SDK2: variants seen among roughly 807,000 people sequenced by gnomAD.
The protein encoded by SDK2 is protein sidekick-2.
SDK2 carries 105 observed loss-of-function variants against 253.9 expected under a neutral mutation model. That is an observed-to-expected ratio of 0.41 (90% CI 0.35 to 0.49). The LOEUF (loss-of-function observed/expected upper bound fraction) is 0.49. SDK2 is among the 20% of genes least tolerant of loss of function. SDK2 has a pLI of 0.06. For missense variants in SDK2, 2,608 were observed against 3,003.0 expected (o/e 0.87, Z 3.07); for synonymous variants, 1,249 against 1,234.9 (o/e 1.01, Z -0.24).
intron 2 of SDK2, among the ~76,000 whole-genome samples, chr17:73,473,492 G>A (rs535712722): frequency 6.6e-6 from 1 of 152,302 alleles, no homozygotes; most frequent in East Asian, 1.9e-4. Context: ...AGACCTGGTG[G>A]ACAAGTTCCT....
At chr17:73,640,300 T>C (rs1036546671) in intron 1 of SDK2, among the ~76,000 whole-genome samples, 2 of 150,776 alleles carry the variant, frequency 1.3e-5, no homozygotes, top group African/African-American at 4.9e-5. Context: ...CCGAGGCAGG[T>C]GTCAGGCTGC....
intron 1 of SDK2, among the ~76,000 whole-genome samples, chr17:73,553,334 C>T (rs1382842688): frequency 1.3e-5 from 2 of 152,200 alleles, no homozygotes; most frequent in Admixed American, 6.5e-5. Flanking sequence ...CCAGGACTTA[C>T]TGCCTATTTA....
intron 18 of SDK2, among the ~76,000 whole-genome samples, chr17:73,404,073 T>G (rs1283238375): frequency 6.6e-6 from 1 of 152,156 alleles, no homozygotes; most frequent in Non-Finnish European, 1.5e-5. Context: ...TCTTTACATG[T>G]GCCTTAAAAC....
chr17:73,387,913 G>A lies in SDK2; in HGVS notation c.4317C>T (p.Thr1439=). Reference sequence around the variant, plus strand: ...CCCACCTGCCGCTGGGCAGCTCGCGGGTCTGGATGGTGTAGTAGCGCACAG... The same window carrying A: ...CCCACCTGCCGCTGGGCAGCTCGCGAGTCTGGATGGTGTAGTAGCGCACAG... The part of the protein sequence containing the change: ...LSPVRYYTIQ[T]RELPSGRWAL... Residue 1439 remains threonine (T), a synonymous_variant, in exon 30 of 45, where the codon ACC becomes ACT. Transcript: ENST00000392650. 2 of 1,590,390 alleles carry A rather than the reference G, an allele frequency of 1.3e-6. No individual in the cohort carries two copies.
chr17:73,630,517 G>T (rs1039774684), intron 1 of SDK2, among the ~76,000 whole-genome samples: 1 of 151,536 alleles, frequency 6.6e-6, no homozygotes, highest in Non-Finnish European at 1.5e-5. Flanking sequence ...ACTATGAGGG[G>T]CCTAAGTGTC....
chr17:73,539,875 G>A (rs954073528), intron 1 of SDK2, among the ~76,000 whole-genome samples: 4 of 152,174 alleles, frequency 2.6e-5, no homozygotes, highest in East Asian at 1.9e-4. Context: ...GTGAGCTGGG[G>A]TACCCAGGAT....
chr17:73,518,945 T>C (rs1308674442), intron 1 of SDK2: 1 of 152,204 alleles, frequency 6.6e-6, no homozygotes, highest in Non-Finnish European at 1.5e-5. Context: ...GACTCAGCTC[T>C]GCCTCACCTC....
chr17:73,428,355 C>G (rs1315928137), intron 12 of SDK2, among the ~76,000 whole-genome samples: 1 of 152,126 alleles, frequency 6.6e-6, no homozygotes, highest in African/African-American at 2.4e-5. Flanking sequence ...TGAGGCACGG[C>G]GCCTGGCCAG....
At position 73,338,539 on chromosome 17, in the gene SDK2, A is replaced by C. The variant is rs1368893481; in HGVS notation, c.*48T>G. 1.8e-6 allele frequency: 2 copies of C among 1,124,490 alleles called. No individual in the cohort carries two copies. Among genetic ancestry groups the C allele is most frequent in the Admixed American group, 2.4e-5 (1 of 40,966 alleles). The allele number at this position is 1,124,490 out of a possible 1,614,324, so 69.7% of individuals were successfully genotyped here. A position where few individuals can be genotyped will look rare whatever the true frequency, so the allele number is the denominator to read the frequency against. ...TGGCAGGCAGTGAGAGGAGGGGTGA[A>C]GGAGGAGTTTGGTGCCATTTCTCTT... On this transcript the variant is annotated 3_prime_UTR_variant, in exon 45 of 45. Coordinates refer to ENST00000392650, the MANE Select transcript of SDK2 (RefSeq NM_001144952.2). The surrounding 1 kb of genome is among the most constrained non-coding windows in gnomAD (Gnocchi z 5.0).
intron 1 of SDK2, among the ~76,000 whole-genome samples, chr17:73,635,775 T>TACTG (rs1279055757): frequency 1.3e-5 from 2 of 151,724 alleles, no homozygotes; most frequent in African/African-American, 4.9e-5. Context: ...GTGGCTCAGT[T>TACTG]ACTGGCAAGC....
intron 18 of SDK2, among the ~76,000 whole-genome samples, chr17:73,414,042 C>A (rs1246991061): frequency 6.6e-6 from 1 of 151,242 alleles, no homozygotes; most frequent in Admixed American, 6.6e-5. Context: ...TTCTTTTTCT[C>A]TCTCTCTTCT....
chr17:73,364,886 GT>G (rs2062670754), intron 38 of SDK2, among the ~76,000 whole-genome samples: 1 of 152,162 alleles, frequency 6.6e-6, no homozygotes, highest in Admixed American at 6.5e-5. Context: ...GCCTCCCAAA[GT>G]GCTGTCATTA....
chr17:73,394,150 G>T, intron 26 of SDK2, 59 bp downstream of exon 26: 1 of 1,063,036 alleles, frequency 9.4e-7, no homozygotes, highest in Non-Finnish European at 1.3e-6. Context: ...AGGCCCCTTG[G>T]ATGGAGAGGC....
intron 1 of SDK2, among the ~76,000 whole-genome samples, chr17:73,515,441 G>A (rs759126018): frequency 7.9e-5 from 12 of 152,192 alleles, no homozygotes; most frequent in African/African-American, 2.7e-4. Flanking sequence ...GGATGAGGGC[G>A]AAACAGGCGG....
intron 1 of SDK2, among the ~76,000 whole-genome samples, chr17:73,565,212 G>A (rs750769841): frequency 6.6e-6 from 1 of 152,340 alleles, no homozygotes; most frequent in African/African-American, 2.4e-5. Flanking sequence ...GAGAGCCAGA[G>A]GGAGGAGACC....
At position 73,534,834 on chromosome 17, in the gene SDK2, G is replaced by A. The variant is rs942359752; in HGVS notation, c.65-27237C>T. ...TCAGTAGGCTGGGGGCAGCGGGCCGGGCTCCCTGGACTCCTTTGCATCTTC... is the reference window on the plus strand; with the variant it reads ...TCAGTAGGCTGGGGGCAGCGGGCCGAGCTCCCTGGACTCCTTTGCATCTTC... On this transcript the variant is annotated intron_variant, in intron 1 of 44. Transcript: ENST00000392650. The surrounding 1 kb of genome is among the most constrained non-coding windows in gnomAD (Gnocchi z 4.9). Among the ~76,000 whole-genome samples, 4 of 152,156 alleles carry A rather than the reference G, an allele frequency of 2.6e-5. No homozygotes were observed. The highest frequency in any genetic ancestry group is 9.7e-5 in the African/African-American group (4 of 41,428).
In SDK2 at chr17:73,338,881, G is replaced by A; in HGVS notation, c.6225C>T (p.Asn2075=). 2 of 1,614,034 alleles carry A rather than the reference G, an allele frequency of 1.2e-6. No individual in the cohort carries two copies. The highest frequency in any genetic ancestry group is 1.7e-6 in the Non-Finnish European group (2 of 1,179,902). The change falls in exon 45 of 45, where the codon AAC becomes AAT. Residue 2075 remains asparagine, a synonymous_variant. Coordinates refer to ENST00000392650, the MANE Select transcript of SDK2 (RefSeq NM_001144952.2). This position sits in a 1 kb window ranked among gnomAD's most constrained non-coding sequence, Gnocchi z 5.0. ...AGTATGTGGGGTCACTGATGTAGTG[G>A]TTGACAAAGGAGTGGGCCTTCTGGT... The part of the protein sequence containing the change: ...SNHQKAHSFV[N]HYISDPTYYN...
chr17:73,479,759 C>T (rs575736420), intron 2 of SDK2, among the ~76,000 whole-genome samples: 238 of 152,310 alleles, frequency 1.6e-3, no homozygotes, highest in African/African-American at 5.2e-3. Flanking sequence ...GGCACAATCT[C>T]GGCTCACTGC....
At chr17:73,491,461 C>T (rs962481791) in intron 2 of SDK2, among the ~76,000 whole-genome samples, 4 of 151,668 alleles carry the variant, frequency 2.6e-5, no homozygotes, top group Non-Finnish European at 5.9e-5. Context: ...CAGCCTTGAC[C>T]GCCTGGGCTC....
Sources: gnomAD v4.1 joint callset for allele counts (sites outside exome capture counted in the v4.1 genomes callset) on GRCh38, gnomAD v4.1.1 for gene constraint, Gnocchi (gnomAD v3.1) non-coding constraint, MANE v1.5 for transcripts, NCBI Gene and HGNC (gene_info 2026-07-23, HGNC 2026-07-21) for gene names.